The following GYS1 variants were observed in gnomAD, a reference collection of about 807,000 sequenced individuals.
GYS1 encodes glycogen synthase 1, also known as glycogen [starch] synthase, muscle.
GYS1 carries 60 observed loss-of-function variants against 89.1 expected under a neutral mutation model. The ratio of observed to expected loss-of-function variants is 0.67; its 90% CI spans 0.55 to 0.84. GYS1 has a LOEUF of 0.84. Ranked by LOEUF, GYS1 falls within the 40% of genes least tolerant of loss-of-function variation. The pLI, the probability that GYS1 is intolerant of heterozygous loss-of-function variation, is 0.00. For missense variants in GYS1, 888 were observed against 1,003.1 expected (o/e 0.89, Z 1.55); for synonymous variants, 366 against 401.7 (o/e 0.91, Z 1.06).
rs2038931811 is a variant in GYS1, at chr19:48,991,663, A to G, written c.119-180T>C. ...TGGAAGCTTGGATGAGGGGAACACG[A>G]GGGCTGGAGGGCAGTCCTCCTGGGT... On this transcript the variant is annotated intron_variant, in intron 1 of 15. Transcript: ENST00000323798. The surrounding 1 kb of genome is among the most constrained non-coding windows in gnomAD (Gnocchi z 4.7). 1.6e-6 allele frequency: 1 copy of G among 639,162 alleles called. No individual in the cohort carries two copies. The highest frequency in any genetic ancestry group is 2.7e-5 in the East Asian group (1 of 36,512). The allele number at this position is 639,162 out of a possible 1,614,324, so 39.6% of individuals were successfully genotyped here.
rs112034326 is a variant in GYS1 at position 48,974,737 on chromosome 19, C to T, written c.1309-4G>A. ...ACACAGGGGGGAAAGACTGCCGCTG[C>T]AGGAGCCACAAGAAGGGTAAGGGGT... On this transcript the variant is annotated splice_polypyrimidine_tract_variant and splice_region_variant and intron_variant, in intron 10 of 15. Coordinates refer to ENST00000323798, the MANE Select transcript of GYS1 (RefSeq NM_002103.5). 1.9e-5 allele frequency: 30 copies of T among 1,594,806 alleles called. No individual in the cohort carries two copies. In the African/African-American group the frequency reaches 2.6e-4, roughly 14 times the overall value.
rs755697849 is a variant in GYS1, at chr19:48,969,278, TG to T, written c.*9del. ...GAGGCAGGACAGGCGGGGAGTGTGG[TG>T]GGGCGGACTTAGTTACGCTCCTCGC... On this transcript the variant is annotated 3_prime_UTR_variant, in exon 16 of 16. Transcript: ENST00000323798. 29 of 1,531,720 alleles carry T rather than the reference TG, an allele frequency of 1.9e-5. No homozygotes were observed. The highest frequency in any genetic ancestry group is 2.5e-5 in the Non-Finnish European group (29 of 1,145,220). The allele number at this position is 1,531,720 out of a possible 1,614,324, so 94.9% of individuals were successfully genotyped here.
At chr19:48,975,713 G>A (rs928826993) in intron 10 of GYS1, among the ~76,000 whole-genome samples, 4 of 151,720 alleles carry the variant, frequency 2.6e-5, no homozygotes, top group Admixed American at 1.3e-4. Context: ...GGATGACGAG[G>A]TCAGGAGATC....
chr19:48,974,140 G>A, intron 12 of GYS1, 73 bp downstream of exon 12: 1 of 1,492,672 alleles, frequency 6.7e-7, no homozygotes, highest in Admixed American at 2.0e-5. Flanking sequence ...GAGAAGGCCA[G>A]TGCCTCGCCC....
In GYS1 at chr19:48,974,287, T is replaced by A. The variant is rs949286022; in HGVS notation, c.1475A>T (p.Asp492Val). ...ACAGCCACGGACAAACTCCTCATAG[T>A]CCACAGGGAGCAGGGGGCTTGTGGA... ...LSSTSPLLPVDYEEFVRGCHL... is the reference protein window; with the variant it reads ...LSSTSPLLPVVYEEFVRGCHL... Residue 492 changes from aspartate (D) to valine (V), a missense_variant, in exon 12 of 16, where the codon GAC becomes GTC. Transcript: ENST00000323798. 29 of 1,613,648 alleles carry A rather than the reference T, an allele frequency of 1.8e-5. No individual in the cohort carries two copies. Among genetic ancestry groups the A allele is most frequent in the Non-Finnish European group, 2.5e-5 (29 of 1,179,772 alleles).
chr19:48,975,768 A>C (rs1183710044), intron 10 of GYS1, among the ~76,000 whole-genome samples: 1 of 151,986 alleles, frequency 6.6e-6, no homozygotes, highest in East Asian at 1.9e-4. Context: ...TCTACTAAAA[A>C]TACAAAAAAT....
At chr19:48,974,522 C>G in intron 11 of GYS1, 98 bp downstream of exon 11, 2 of 1,044,744 alleles carry the variant, frequency 1.9e-6, no homozygotes, top group Non-Finnish European at 3.0e-6. Context: ...CACAGCAATA[C>G]CTTTGATAAA....
intron 2 of GYS1, among the ~76,000 whole-genome samples, chr19:48,989,047 G>GCTTCCTTC (rs774487050): frequency 4.6e-5 from 7 of 150,774 alleles, no homozygotes; most frequent in East Asian, 3.9e-4. Context: ...TTCCTTCCTT[G>GCTTCCTTC]CTTCCTTCCT....
intron 6 of GYS1, 40 bp downstream of exon 6, chr19:48,982,680 C>T (rs770667992): frequency 2.1e-5 from 29 of 1,373,434 alleles, no homozygotes; most frequent in African/African-American, 4.3e-5. Flanking sequence ...AGGCTCCCAA[C>T]GCCCTCCTCT....
chr19:48,989,997 C>CCGGGGG (rs1568626187), intron 2 of GYS1, among the ~76,000 whole-genome samples: 2 of 26,148 alleles, frequency 7.6e-5, no homozygotes, highest in South Asian at 2.8e-3. Flanking sequence ...TGCCCTTTTG[C>CCGGGGG]TGGGGGGGGG....
intron 10 of GYS1, among the ~76,000 whole-genome samples, chr19:48,976,165 A>G (rs1023108005): frequency 2.6e-5 from 4 of 152,084 alleles, no homozygotes; most frequent in Admixed American, 2.6e-4. Flanking sequence ...CGATGGCAGA[A>G]ACATTCATAA....
chr19:48,987,976 G>A (rs1012161854), intron 2 of GYS1, among the ~76,000 whole-genome samples: 1 of 151,886 alleles, frequency 6.6e-6, no homozygotes, highest in Non-Finnish European at 1.5e-5. Flanking sequence ...ACTTTTTTTT[G>A]TATTTTCAGT....
rs114013201 is a variant in GYS1 at position 48,978,225 on chromosome 19, A to T, written c.1170-68T>A. The T allele has an allele frequency of 5.6e-3, 7,463 of 1,327,576 alleles. 349 individuals are homozygous for T. In the African/African-American group the frequency reaches 0.096, roughly 17 times the overall value. The allele number at this position is 1,327,576 out of a possible 1,614,324, so 82.2% of individuals were successfully genotyped here. A position where few individuals can be genotyped will look rare whatever the true frequency, so the allele number is the denominator to read the frequency against. ...CATTTACTGTTAGGCTTCTTTAGTT[A>T]GTTTGTTTGTTTATTTTGAGACGGA... is the stretch of plus-strand genomic sequence containing the variant. On this transcript the variant is annotated intron_variant, in intron 8 of 15. Transcript: ENST00000323798.
At position 48,985,495 on chromosome 19, in the gene GYS1, G is replaced by A. The variant is rs1309002901; in HGVS notation, c.789C>T (p.Ala263=). Residue 263 remains alanine (A), a synonymous_variant, in exon 5 of 16, where the codon GCC becomes GCT. Transcript: ENST00000323798. ...TCTTGAGCAAGTGCTGTGCCTCGAT[G>A]GCGGTGATCTGGGACACAGTAGTGA... ...HVFTTVSQIT[A]IEAQHLLKRK... 6.2e-7 allele frequency: 1 copy of A among 1,613,986 alleles called. No individual in the cohort carries two copies. Among genetic ancestry groups the A allele is most frequent in the East Asian group, 2.2e-5 (1 of 44,900 alleles).
At chr19:48,977,631 A>G (rs1214725469) in intron 10 of GYS1, among the ~76,000 whole-genome samples, 1 of 152,104 alleles carries the variant, frequency 6.6e-6, no homozygotes, top group Non-Finnish European at 1.5e-5. Context: ...AAATAAACAA[A>G]TAAGCTTCCT....
intron 14 of GYS1, 98 bp from the exon 15 acceptor site, chr19:48,969,953 C>A: frequency 1.3e-6 from 1 of 756,024 alleles, no homozygotes; most frequent in Non-Finnish European, 2.4e-6. Context: ...TGCAGATGAG[C>A]ACACTGCTGC....
intron 2 of GYS1, among the ~76,000 whole-genome samples, chr19:48,988,700 G>C (rs535169158): frequency 1.3e-5 from 2 of 152,022 alleles, no homozygotes; most frequent in Non-Finnish European, 2.9e-5. Context: ...CTGAAGCTTC[G>C]ATCTCCCAGG....
intron 8 of GYS1, among the ~76,000 whole-genome samples, chr19:48,978,830 C>T (rs542517796): frequency 4.3e-4 from 66 of 152,306 alleles, no homozygotes; most frequent in Non-Finnish European, 7.1e-4. Flanking sequence ...CTGCCGCGCC[C>T]AGCTACCCTT....
rs551030871 is a variant in GYS1, at chr19:48,972,315, T to C, written c.1550-1292A>G. 3.2e-3 allele frequency among the ~76,000 whole-genome samples: 482 copies of C among 148,670 alleles called. 3 individuals are homozygous for C. The highest frequency in any genetic ancestry group is 3.5e-3 in the Middle Eastern group (1 of 288). On this transcript the variant is annotated intron_variant, in intron 12 of 15. Coordinates refer to ENST00000323798, the MANE Select transcript of GYS1 (RefSeq NM_002103.5). ...GTGCCACTGCACTCCAGCCTGGCAA[T>C]AGAGCAAGACTCTGTCTCAAAAAAA...
Sources: allele counts gnomAD v4.1 joint callset (sites outside exome capture counted in the v4.1 genomes callset), GRCh38; gene constraint gnomAD v4.1.1; non-coding constraint Gnocchi (gnomAD v3.1); transcripts MANE v1.5; gene names NCBI Gene and HGNC (gene_info 2026-07-23, HGNC 2026-07-21).